TNNI3K: variants seen among roughly 807,000 people sequenced by gnomAD.
TNNI3K encodes serine/threonine-protein kinase TNNI3K.
Under a neutral mutation model 114.5 loss-of-function variants are expected in TNNI3K, and 140 were observed. That is an observed-to-expected ratio of 1.22 (90% confidence interval 1.07 to 1.41). TNNI3K has a LOEUF of 1.41. Among genes scored for constraint, TNNI3K ranks in the 40% most tolerant of loss-of-function variants. The probability of loss-of-function intolerance (pLI) is 0.00; values close to 1 mark genes in which losing one functional copy is unlikely to be tolerated. For missense variants in TNNI3K, 1,125 were observed against 1,007.6 expected (o/e 1.12, Z -1.58); for synonymous variants, 347 against 347.5 (o/e 1.00, Z 0.02).
intron 9 of TNNI3K, among the ~76,000 whole-genome samples, chr1:74,347,053 G>A (rs1391837194): frequency 6.6e-6 from 1 of 151,606 alleles, no homozygotes; most frequent in African/African-American, 2.4e-5. Context: ...ACAACGGGCA[G>A]GTTTGTTACA....
intron 5 of TNNI3K, among the ~76,000 whole-genome samples, chr1:74,294,459 A>G (rs1657861271): frequency 6.6e-6 from 1 of 152,148 alleles, no homozygotes; most frequent in East Asian, 1.9e-4. Context: ...CTCAGGGTGC[A>G]TTTTGCACAC....
At chr1:74,450,092 T>A (rs1666918594) in intron 20 of TNNI3K, among the ~76,000 whole-genome samples, 1 of 139,890 alleles carries the variant, frequency 7.1e-6, no homozygotes, top group South Asian at 2.5e-4. Context: ...GAACTCAGGA[T>A]TAAGAATCTC....
intron 4 of TNNI3K, among the ~76,000 whole-genome samples, chr1:74,260,100 A>G (rs541729399): frequency 7.2e-5 from 11 of 152,340 alleles, no homozygotes. Flanking sequence ...ATTTAAAACC[A>G]AGATAAACTG....
At chr1:74,542,886 T>G (rs1646742319) in intron 24 of TNNI3K, among the ~76,000 whole-genome samples, 1 of 152,114 alleles carries the variant, frequency 6.6e-6, no homozygotes, top group Non-Finnish European at 1.5e-5. Context: ...GAGCCACTAG[T>G]TTAATTCTCT....
chr1:74,362,286 G>C (rs1341576), intron 11 of TNNI3K, among the ~76,000 whole-genome samples: 151,845 of 152,248 alleles, frequency 1, 75,723 homozygotes, highest in Non-Finnish European at 1. Context: ...GTGAAAGTTT[G>C]ATTATTTGGG....
At chr1:74,251,794 C>A (rs951974146) in intron 4 of TNNI3K, among the ~76,000 whole-genome samples, 10 of 152,176 alleles carry the variant, frequency 6.6e-5, no homozygotes, top group African/African-American at 2.2e-4. Context: ...CATGATCTAG[C>A]ATCACAAATT....
chr1:74,276,304 G>A (rs1460302022), intron 5 of TNNI3K, among the ~76,000 whole-genome samples: 1 of 152,062 alleles, frequency 6.6e-6, no homozygotes, highest in Non-Finnish European at 1.5e-5. Context: ...ACAGCTTAAA[G>A]TTGTATATTG....
At chr1:74,343,252 A>G (rs1485196922) in intron 9 of TNNI3K, 73 bp downstream of exon 9, 2 of 1,466,780 alleles carry the variant, frequency 1.4e-6, no homozygotes, top group East Asian at 2.5e-5. Context: ...TGTGGGTATA[A>G]AGCAAGAACA....
chr1:74,320,698 ATTAC>A (rs1219292915), intron 5 of TNNI3K, among the ~76,000 whole-genome samples: 3 of 152,096 alleles, frequency 2.0e-5, no homozygotes, highest in African/African-American at 4.8e-5. Context: ...TAGAATTTTT[ATTAC>A]TTAGTCTGTG....
chr1:74,280,629 A>AT (rs1411585429), intron 5 of TNNI3K, among the ~76,000 whole-genome samples: 2 of 152,194 alleles, frequency 1.3e-5, no homozygotes, highest in Non-Finnish European at 2.9e-5. Context: ...TGGAGGGAGC[A>AT]TTTAGACCAG....
At chr1:74,441,300 CT>C (rs1353333437) in intron 20 of TNNI3K, among the ~76,000 whole-genome samples, 3 of 152,090 alleles carry the variant, frequency 2.0e-5, no homozygotes, top group African/African-American at 7.2e-5. Flanking sequence ...TCCGGATAAG[CT>C]TACTTATATA....
chr1:74,417,176 T>C (rs1327167489), intron 17 of TNNI3K, among the ~76,000 whole-genome samples: 1 of 152,084 alleles, frequency 6.6e-6, no homozygotes, highest in East Asian at 1.9e-4. Context: ...AATATACTTG[T>C]TCTTAGGATA....
chr1:74,361,749 G>T (rs1661978908), intron 11 of TNNI3K, among the ~76,000 whole-genome samples: 1 of 152,080 alleles, frequency 6.6e-6, no homozygotes, highest in Non-Finnish European at 1.5e-5. Context: ...GGAAGGGGAA[G>T]GTCTCTCTGG....
chr1:74,425,306 T>G (rs115900674), intron 17 of TNNI3K, among the ~76,000 whole-genome samples: 168 of 152,214 alleles, frequency 1.1e-3, no homozygotes, highest in African/African-American at 3.7e-3. Context: ...AAATATTTCA[T>G]AAATATTTAT....
At chr1:74,517,391 C>G (rs1190237625) in intron 23 of TNNI3K, among the ~76,000 whole-genome samples, 1 of 152,180 alleles carries the variant, frequency 6.6e-6, no homozygotes, top group Non-Finnish European at 1.5e-5. Context: ...GGCATTAGCT[C>G]CTCACTGATT....
intron 20 of TNNI3K, 69 bp downstream of exon 20, chr1:74,439,691 A>T (rs1331274438): frequency 7.0e-6 from 11 of 1,581,986 alleles, no homozygotes; most frequent in South Asian, 1.2e-5. Context: ...CTTCAAGAAA[A>T]TTTTTTTTCA....
intron 4 of TNNI3K, among the ~76,000 whole-genome samples, chr1:74,267,042 A>G (rs1656038033): frequency 6.6e-6 from 1 of 151,978 alleles, no homozygotes; most frequent in Non-Finnish European, 1.5e-5. Context: ...TCTGTGTGTC[A>G]CATTGAATAA....
At chr1:74,432,011 A>G (rs1665922827) in intron 17 of TNNI3K, among the ~76,000 whole-genome samples, 2 of 152,082 alleles carry the variant, frequency 1.3e-5, no homozygotes, top group African/African-American at 4.8e-5. Flanking sequence ...AGCATTCCTC[A>G]GTGACTCTTC....
intron 5 of TNNI3K, among the ~76,000 whole-genome samples, chr1:74,288,701 G>A (rs1044672462): frequency 9.0e-4 from 137 of 152,162 alleles, no homozygotes; most frequent in African/African-American, 3.2e-3. Flanking sequence ...AATGTACAAT[G>A]TAGTGTTTAT....
Sources: allele counts gnomAD v4.1 joint callset (sites outside exome capture counted in the v4.1 genomes callset), GRCh38; gene constraint gnomAD v4.1.1; transcripts MANE v1.5; gene names NCBI Gene and HGNC (gene_info 2026-07-23, HGNC 2026-07-21).